Variants in DAB1 observed in about 807,000 individuals in gnomAD.
DAB1 encodes DAB adaptor protein 1.
In DAB1, 15 loss-of-function variants were observed where a neutral mutation model predicts 64.6. The observed-to-expected ratio is 0.23, with a 90% CI of 0.16 to 0.36. The LOEUF (loss-of-function observed/expected upper bound fraction) is 0.36, where lower values mean the gene tolerates loss of function less well. DAB1 is among the 10% of genes least tolerant of loss of function. DAB1 has a pLI of 1.00. For synonymous variants in DAB1, 235 were observed against 251.9 expected, an observed-to-expected ratio of 0.93 and a Z score of 0.64; for missense variants, 596 against 706.7, an observed-to-expected ratio of 0.84 and a Z score of 1.78.
chr1:57,897,814 T>C (rs1191171619), intron 5 of DAB1, among the ~76,000 whole-genome samples: 1 of 152,138 alleles, frequency 6.6e-6, no homozygotes, highest in African/African-American at 2.4e-5. Flanking sequence ...TGGGAAAGCT[T>C]AGACCCAGCT....
intron 7 of DAB1, among the ~76,000 whole-genome samples, chr1:57,458,586 GCATTCTAGGACTCTAT>G (rs1450579059): frequency 1.3e-5 from 2 of 152,036 alleles, no homozygotes; most frequent in South Asian, 2.1e-4. Context: ...ATTTACTCTT[GCATTCTAGGACTCTAT>G]CATAAGCAAA....
intron 2 of DAB1, among the ~76,000 whole-genome samples, chr1:57,202,986 C>T (rs1665227812): frequency 6.6e-6 from 1 of 152,158 alleles, no homozygotes; most frequent in South Asian, 2.1e-4. Context: ...CAGATAAATG[C>T]ATGTTAGTAA....
intron 3 of DAB1, among the ~76,000 whole-genome samples, chr1:58,483,427 G>T (rs1193842941): frequency 6.6e-6 from 1 of 152,186 alleles, no homozygotes; most frequent in African/African-American, 2.4e-5. Flanking sequence ...CAGGGCAGAA[G>T]CTTGGGTCTA....
intron 5 of DAB1, among the ~76,000 whole-genome samples, chr1:58,140,799 G>A (rs1452253779): frequency 6.6e-6 from 1 of 152,182 alleles, no homozygotes; most frequent in Non-Finnish European, 1.5e-5. Context: ...AGTGATTAGT[G>A]AAGGAGTAAA....
At chr1:57,617,355 T>C (rs1434707141) in intron 7 of DAB1, among the ~76,000 whole-genome samples, 2 of 152,046 alleles carry the variant, frequency 1.3e-5, no homozygotes, top group Non-Finnish European at 2.9e-5. Flanking sequence ...TGAGACCACA[T>C]CCTTGTTTAA....
At chr1:57,583,366 C>T (rs1276499307) in intron 7 of DAB1, among the ~76,000 whole-genome samples, 1 of 150,498 alleles carries the variant, frequency 6.6e-6, no homozygotes, top group African/African-American at 2.4e-5. Flanking sequence ...AGCTCACTGA[C>T]ACCTCTGCCT....
intron 9 of DAB1, among the ~76,000 whole-genome samples, chr1:57,043,467 G>T (rs1648059364): frequency 6.6e-6 from 1 of 152,116 alleles, no homozygotes; most frequent in South Asian, 2.1e-4. Flanking sequence ...TCTTCTCTGT[G>T]GCATTCTCTT....
rs1399510534 is a variant in DAB1 at position 57,053,660 on chromosome 1, C to CTCTATATA, written c.723+9223_723+9224insTATATAGA. On this transcript the variant is annotated intron_variant, in intron 9 of 14. Transcript: ENST00000371236. ...TCTAAGAATCTCTCTCTCTCTCTCT[C>CTCTATATA]TATATGTATATATATATATATATAT... 1.9e-3 allele frequency among the ~76,000 whole-genome samples: 216 copies of CTCTATATA among 116,664 alleles called. 2 individuals are homozygous for CTCTATATA. The highest frequency in any genetic ancestry group is 4.5e-3 in the African/African-American group (135 of 30,126). 76.5% of individuals were successfully genotyped at this position (116,664 alleles called of 152,430 possible).
intron 7 of DAB1, among the ~76,000 whole-genome samples, chr1:57,563,837 T>C (rs1645083171): frequency 1.3e-5 from 2 of 152,206 alleles, no homozygotes. Context: ...ATGGCCTGCC[T>C]GCCTCTGTAG....
intron 6 of DAB1, among the ~76,000 whole-genome samples, chr1:57,689,186 T>C (rs1240354522): frequency 6.6e-6 from 1 of 152,154 alleles, no homozygotes; most frequent in African/African-American, 2.4e-5. Flanking sequence ...ACTCAGAAAG[T>C]TTACCTAGCT....
intron 6 of DAB1, among the ~76,000 whole-genome samples, chr1:57,728,906 G>T (rs1183520137): frequency 1.3e-5 from 2 of 152,184 alleles, no homozygotes; most frequent in East Asian, 3.9e-4. Flanking sequence ...GAAACATCAT[G>T]CCAGGCATGG....
chr1:57,131,829 G>A (rs1393534000), intron 4 of DAB1, among the ~76,000 whole-genome samples: 1 of 152,036 alleles, frequency 6.6e-6, no homozygotes, highest in Non-Finnish European at 1.5e-5. Context: ...GTGTACATTT[G>A]CTGATTCTTA....
At chr1:58,471,157 C>G (rs1006573853) in intron 3 of DAB1, among the ~76,000 whole-genome samples, 9 of 152,168 alleles carry the variant, frequency 5.9e-5, no homozygotes, top group African/African-American at 2.2e-4. Flanking sequence ...ACAGTGCCAG[C>G]ATTGTCCTAG....
chr1:58,493,925 T>C lies in DAB1; in HGVS notation n.257+12135A>G, dbSNP rs201962407. On this transcript the variant is annotated intron_variant and non_coding_transcript_variant, in intron 3 of 20. Transcript: ENST00000485760. Reference sequence around the variant, plus strand: ...AGAATTGGAAAAAACTACTTTAAAGTTCATATGGTACCAAAAAAGAGCCCT... The same window carrying C: ...AGAATTGGAAAAAACTACTTTAAAGCTCATATGGTACCAAAAAAGAGCCCT... Among the ~76,000 whole-genome samples, 115 of 147,184 alleles carry C rather than the reference T, an allele frequency of 7.8e-4. 1 individual carries two copies. The East Asian group carries it at 0.02, about 26-fold the overall frequency.
chr1:57,866,018 C>T (rs1654285647), intron 1 of DAB1, among the ~76,000 whole-genome samples: 1 of 152,168 alleles, frequency 6.6e-6, no homozygotes. Context: ...CCAGCTAGAT[C>T]CCTGTGGTCT....
intron 7 of DAB1, among the ~76,000 whole-genome samples, chr1:57,649,231 T>A (rs1258440460): frequency 2.0e-5 from 3 of 152,128 alleles, no homozygotes; most frequent in Non-Finnish European, 2.9e-5. Flanking sequence ...GGGGTGCATT[T>A]AAGAAAGAGA....
chr1:58,321,786 C>T (rs908264786), intron 4 of DAB1, among the ~76,000 whole-genome samples: 17 of 152,274 alleles, frequency 1.1e-4, no homozygotes, highest in African/African-American at 3.9e-4. Flanking sequence ...GAGCCCACTG[C>T]AGCTCTGCAA....
chr1:57,928,846 T>A (rs1644915833), intron 5 of DAB1, among the ~76,000 whole-genome samples: 1 of 152,218 alleles, frequency 6.6e-6, no homozygotes, highest in Admixed American at 6.5e-5. Flanking sequence ...TTTTATTCAT[T>A]CACCAACTGA....
chr1:57,557,085 GGT>G (rs1259527958), intron 7 of DAB1, among the ~76,000 whole-genome samples: 2 of 152,126 alleles, frequency 1.3e-5, no homozygotes, highest in African/African-American at 4.8e-5. Context: ...ATTGATCCTG[GGT>G]GTGTCTGTGA....
Sources: allele counts gnomAD v4.1 joint callset (sites outside exome capture counted in the v4.1 genomes callset), GRCh38; gene constraint gnomAD v4.1.1; transcripts MANE v1.5; gene names NCBI Gene and HGNC (gene_info 2026-07-23, HGNC 2026-07-21).